The following IARS1 variants were observed in gnomAD, a reference collection of about 807,000 sequenced individuals.
IARS1 encodes the protein isoleucyl-tRNA synthetase 1.
Under a neutral mutation model 168.2 loss-of-function variants are expected in IARS1, and 124 were observed. That is an observed-to-expected ratio of 0.74 (90% CI 0.64 to 0.86). The LOEUF (loss-of-function observed/expected upper bound fraction) is 0.86, where lower values mean the gene tolerates loss of function less well. IARS1 is among the 40% of genes least tolerant of loss of function. The probability of loss-of-function intolerance (pLI) is 0.00; values close to 1 mark genes in which losing one functional copy is unlikely to be tolerated. For synonymous variants in IARS1, 532 were observed against 529.4 expected, an observed-to-expected ratio of 1.00 and a Z score of -0.07; for missense variants, 1,452 against 1,515.8, an observed-to-expected ratio of 0.96 and a Z score of 0.70.
Position 92,247,430 on chromosome 9 carries a change from A to T in IARS1, c.2738T>A (p.Met913Lys). The T allele has an allele frequency of 6.2e-7, 1 of 1,614,172 alleles. No individual in the cohort carries two copies. The highest frequency in any genetic ancestry group is 1.7e-5 in the Admixed American group (1 of 60,018). The change falls in exon 26 of 34, where the codon ATG (methionine) becomes AAG (lysine). Residue 913 changes from methionine to lysine, a missense_variant. Coordinates refer to ENST00000443024, the MANE Select transcript of IARS1 (RefSeq NM_002161.6). ...ACTGCTCAACTGCTTGATGGACGTC[A>T]TCACTGCCTTAAAGGCTCCCTTCAG... Reference protein sequence around the residue: ...KRLKGAFKAVMTSIKQLSSEE... With the variant: ...KRLKGAFKAVKTSIKQLSSEE...
intron 30 of IARS1, among the ~76,000 whole-genome samples, chr9:92,238,063 G>T (rs1005070729): frequency 1.9e-4 from 29 of 152,030 alleles, no homozygotes; most frequent in African/African-American, 6.5e-4. Flanking sequence ...CCGCCACCAA[G>T]CCTGGCTAAT....
intron 12 of IARS1, among the ~76,000 whole-genome samples, chr9:92,270,322 T>C (rs1832838031): frequency 1.3e-5 from 2 of 152,214 alleles, no homozygotes; most frequent in African/African-American, 4.8e-5. Context: ...ACCCATACTT[T>C]TACAGCATGG....
At chr9:92,282,889 C>A (rs1834863643) in intron 6 of IARS1, among the ~76,000 whole-genome samples, 1 of 148,052 alleles carries the variant, frequency 6.8e-6, no homozygotes, top group Non-Finnish European at 1.5e-5. Flanking sequence ...GAGTCTAACT[C>A]TGTCACCCAG....
rs767227431 is a variant in IARS1 at position 92,242,260 on chromosome 9, C to G, written c.3071G>C (p.Ser1024Thr). The G allele has an allele frequency of 7.4e-6, 12 of 1,613,766 alleles. No individual in the cohort carries two copies. In the South Asian group the frequency reaches 1.2e-4, roughly 16 times the overall value. The change falls in exon 29 of 34, where the codon AGT (serine) becomes ACT (threonine). Residue 1024 changes from serine (S) to threonine (T), a missense_variant. Ser to Thr is a moderately conservative substitution (Grantham distance 58). Coordinates refer to ENST00000443024, the MANE Select transcript of IARS1 (RefSeq NM_002161.6). Reference protein sequence around the residue: ...KAKSEGTYLNSVIESHTEFIF... With the variant: ...KAKSEGTYLNTVIESHTEFIF... Reference sequence around the variant, plus strand: ...GAACTCTGTGTGGCTTTCAATAACACTATTCAGATATGTTCCTTCAGACTT... The same window carrying G: ...GAACTCTGTGTGGCTTTCAATAACAGTATTCAGATATGTTCCTTCAGACTT...
At chr9:92,213,834 G>C (rs1166491367) in intron 33 of IARS1, among the ~76,000 whole-genome samples, 1 of 151,882 alleles carries the variant, frequency 6.6e-6, no homozygotes, top group African/African-American at 2.4e-5. Context: ...TTTCTGAGAT[G>C]GAGTTTAACT....
At chr9:92,220,774 T>C (rs1839549918) in intron 33 of IARS1, among the ~76,000 whole-genome samples, 1 of 152,166 alleles carries the variant, frequency 6.6e-6, no homozygotes, top group African/African-American at 2.4e-5. Flanking sequence ...AAGACCAGCC[T>C]TGACCTTATA....
At chr9:92,252,710 G>A (rs968157462) in intron 21 of IARS1, among the ~76,000 whole-genome samples, 2 of 120,516 alleles carry the variant, frequency 1.7e-5, no homozygotes, top group Admixed American at 1.1e-4. Context: ...GTTGTAGTGA[G>A]CCAAGATCAT....
intron 10 of IARS1, among the ~76,000 whole-genome samples, 166 bp from the exon 11 acceptor site, chr9:92,271,821 CA>C (rs1452798823): frequency 6.6e-6 from 1 of 152,186 alleles, no homozygotes; most frequent in African/African-American, 2.4e-5. Flanking sequence ...ATCAGACCCT[CA>C]CAGTTGGACA....
chr9:92,284,015 T>C (rs756287299), intron 6 of IARS1, among the ~76,000 whole-genome samples: 10 of 152,084 alleles, frequency 6.6e-5, no homozygotes, highest in East Asian at 1.9e-4. Flanking sequence ...ACCACTCCTA[T>C]AGAAACACAT....
rs1554727367 is a variant in IARS1, at chr9:92,256,895, G to A, written c.2017-95C>T. 6 of 1,228,802 alleles carry A rather than the reference G, an allele frequency of 4.9e-6. No individual in the cohort carries two copies. In the Admixed American group the frequency reaches 9.5e-5, roughly 19 times the overall value. 76.1% of individuals were successfully genotyped at this position (1,228,802 alleles called of 1,614,324 possible). On this transcript the variant is annotated intron_variant, in intron 19 of 33. Coordinates refer to ENST00000443024, the MANE Select transcript of IARS1 (RefSeq NM_002161.6). ...TAAATCACTTAAACAAAAACAAAAA[G>A]AAAAAATCCCAGACCCTACTGGCAA...
chr9:92,270,337 A>G (rs1832841007), intron 12 of IARS1, among the ~76,000 whole-genome samples: 1 of 152,240 alleles, frequency 6.6e-6, no homozygotes, highest in South Asian at 2.1e-4. Flanking sequence ...GCATGGTCTT[A>G]TATTAAAGGT....
Position 92,288,120 on chromosome 9 carries a change from A to AC in IARS1, c.276+5dup, listed in dbSNP as rs1433867883. 1 of 1,611,052 alleles carries AC rather than the reference A, an allele frequency of 6.2e-7. No homozygotes were observed. The highest frequency in any genetic ancestry group is 1.7e-5 in the Admixed American group (1 of 59,184). ...GAAAATTATAAAGCTGGATACTCAAACATACCACAGGTAAGCCATGGCAAT... is the reference window on the plus strand; with the variant it reads ...GAAAATTATAAAGCTGGATACTCAAACCATACCACAGGTAAGCCATGGCAAT... On this transcript the variant is annotated splice_donor_region_variant and intron_variant, in intron 3 of 33. Transcript: ENST00000443024.
At chr9:92,242,499 T>C in intron 28 of IARS1, 169 bp from the exon 29 acceptor site, 2 of 584,212 alleles carry the variant, frequency 3.4e-6, no homozygotes, top group South Asian at 2.2e-5. Context: ...ACTCAGTACA[T>C]GATTAACTTT....
chr9:92,277,102 G>T (rs1249204079), intron 9 of IARS1, among the ~76,000 whole-genome samples: 4 of 152,044 alleles, frequency 2.6e-5, no homozygotes, highest in Admixed American at 2.6e-4. Flanking sequence ...GTGATATGTA[G>T]ACTACATGCA....
At chr9:92,221,082 GA>G (rs1839604689) in intron 33 of IARS1, among the ~76,000 whole-genome samples, 1 of 152,134 alleles carries the variant, frequency 6.6e-6, no homozygotes, top group Non-Finnish European at 1.5e-5. Context: ...AAGACAAAGG[GA>G]AAATCTTCAA....
intron 33 of IARS1, among the ~76,000 whole-genome samples, chr9:92,212,438 A>C (rs978138711): frequency 6.6e-6 from 1 of 152,260 alleles, no homozygotes; most frequent in African/African-American, 2.4e-5. Flanking sequence ...GAGTAAAGAG[A>C]ATACAGAAAG....
chr9:92,234,340 T>G (rs1385697581), intron 30 of IARS1, among the ~76,000 whole-genome samples: 1 of 152,340 alleles, frequency 6.6e-6, no homozygotes, highest in East Asian at 1.9e-4. Flanking sequence ...TTTTCCCTCA[T>G]AATATGAATG....
chr9:92,264,072 C>T (rs566891262), intron 16 of IARS1, among the ~76,000 whole-genome samples: 8 of 152,262 alleles, frequency 5.3e-5, no homozygotes, highest in East Asian at 1.9e-4. Flanking sequence ...CAATGGCTCA[C>T]GCCTGTAATC....
chr9:92,235,853 C>T (rs749162302), intron 30 of IARS1, among the ~76,000 whole-genome samples: 1 of 151,946 alleles, frequency 6.6e-6, no homozygotes, highest in African/African-American at 2.4e-5. Flanking sequence ...TTGAATCAGC[C>T]TTGCATCCCT....
Sources: allele counts gnomAD v4.1 joint callset (sites outside exome capture counted in the v4.1 genomes callset), GRCh38; gene constraint gnomAD v4.1.1; transcripts MANE v1.5; gene names NCBI Gene and HGNC (gene_info 2026-07-23, HGNC 2026-07-21).